HK1: variants seen among roughly 807,000 people sequenced by gnomAD.
The protein encoded by HK1 is hexokinase 1, also known as hexokinase-1.
Under a neutral mutation model 91.6 loss-of-function variants are expected in HK1, and 28 were observed. The observed-to-expected ratio is 0.31, with a 90% CI of 0.23 to 0.42. HK1 has a LOEUF of 0.42. Ranked by LOEUF, HK1 falls within the 10% of genes least tolerant of loss-of-function variation. The pLI, the probability that HK1 is intolerant of heterozygous loss-of-function variation, is 1.00. For missense variants in HK1, 770 were observed against 1,219.8 expected (o/e 0.63, Z 5.49); for synonymous variants, 430 against 468.1 (o/e 0.92, Z 1.05).
chr10:69,293,621 T>C (rs1305851080), intron 3 of HK1, among the ~76,000 whole-genome samples: 1 of 152,160 alleles, frequency 6.6e-6, no homozygotes, highest in Admixed American at 6.6e-5. Flanking sequence ...CTGGAACGGC[T>C]CTTCTCTGTC....
chr10:69,289,523 G>T (rs968481230), intron 3 of HK1, among the ~76,000 whole-genome samples: 1 of 142,652 alleles, frequency 7.0e-6, no homozygotes, highest in Non-Finnish European at 1.5e-5. Context: ...CCAGGCTGGA[G>T]TGCAATGGCA....
chr10:69,283,613 TC>T (rs1844873340), intron 2 of HK1, among the ~76,000 whole-genome samples: 1 of 150,434 alleles, frequency 6.6e-6, no homozygotes, highest in Non-Finnish European at 1.5e-5. Context: ...AAACCCCATC[TC>T]TACTAAAAAT....
At chr10:69,331,445 A>G (rs1246122198) in intron 1 of HK1, among the ~76,000 whole-genome samples, 2 of 152,258 alleles carry the variant, frequency 1.3e-5, no homozygotes, top group Non-Finnish European at 2.9e-5. Flanking sequence ...CCAGAATAGT[A>G]GGCGCCAGCC....
intron 2 of HK1, among the ~76,000 whole-genome samples, chr10:69,352,193 A>G (rs901373430): frequency 3.9e-5 from 6 of 152,002 alleles, no homozygotes; most frequent in Admixed American, 6.6e-5. Context: ...GGGTTTCTCC[A>G]TGTTGGCCAG....
intron 16 of HK1, among the ~76,000 whole-genome samples, chr10:69,395,829 A>C (rs1840109385): frequency 6.6e-6 from 1 of 152,124 alleles, no homozygotes; most frequent in South Asian, 2.1e-4. Context: ...CCTTCTTTCT[A>C]CTTTTCTCCT....
intron 7 of HK1, among the ~76,000 whole-genome samples, chr10:69,370,608 C>T (rs1043024318): frequency 6.6e-6 from 1 of 152,152 alleles, no homozygotes; most frequent in Non-Finnish European, 1.5e-5. Flanking sequence ...TCCAAAACAG[C>T]ACCTTCCCTC....
At chr10:69,303,073 G>T (rs79184597) in intron 5 of HK1, among the ~76,000 whole-genome samples, 4 of 151,996 alleles carry the variant, frequency 2.6e-5, no homozygotes. Flanking sequence ...TTTGTTCAAC[G>T]TGTGTATCAG....
intron 4 of HK1, among the ~76,000 whole-genome samples, chr10:69,365,364 G>A (rs1564544274): frequency 6.6e-6 from 1 of 152,124 alleles, no homozygotes; most frequent in African/African-American, 2.4e-5. Context: ...TGCCCTTGGC[G>A]ACCTCCGAGG....
At chr10:69,332,319 C>T (rs1201521619) in intron 1 of HK1, among the ~76,000 whole-genome samples, 1 of 149,398 alleles carries the variant, frequency 6.7e-6, no homozygotes, top group Admixed American at 6.7e-5. Context: ...CCAGCTTGAG[C>T]AGTATTGTGA....
At chr10:69,370,329 G>GA (rs540685597) in intron 7 of HK1, among the ~76,000 whole-genome samples, 35 of 144,468 alleles carry the variant, frequency 2.4e-4, no homozygotes, top group Middle Eastern at 7.1e-3. Flanking sequence ...AGTAGCCCCT[G>GA]AAAAAAAAAA....
intron 16 of HK1, 83 bp from the exon 17 acceptor site, chr10:69,398,512 C>T (rs1227938): frequency 0.35 from 326,377 of 937,986 alleles, 60,081 homozygotes; most frequent in South Asian, 0.48. Context: ...TGATTGGGGG[C>T]GGGGGGCGTC....
chr10:69,360,302 G>A (rs1395936947), intron 3 of HK1, among the ~76,000 whole-genome samples: 1 of 152,256 alleles, frequency 6.6e-6, no homozygotes, highest in Non-Finnish European at 1.5e-5. Flanking sequence ...CAGAGTCTGG[G>A]TTTGAGGAGG....
At chr10:69,300,868 A>C (rs1392190486) in intron 5 of HK1, 12 of 1,370,944 alleles carry the variant, frequency 8.8e-6, no homozygotes, top group Admixed American at 7.0e-5. Flanking sequence ...TTTTGTACGT[A>C]GAAAATCCTG....
At chr10:69,353,315 A>G (rs1218900976) in intron 2 of HK1, among the ~76,000 whole-genome samples, 9 of 152,224 alleles carry the variant, frequency 5.9e-5, no homozygotes, top group Non-Finnish European at 1.5e-5. Flanking sequence ...CAGGCCAGGT[A>G]TGATGGCTCA....
rs906612421 is a variant in HK1 at position 69,292,305 on chromosome 10, T to A, written c.-114-3328T>A. On this transcript the variant is annotated intron_variant, in intron 3 of 21. Transcript: ENST00000360289. ...CCAGGCTGTTCTTAAATCCCTGGCG[T>A]CAAGTGATCCTCCTGCCTCAGCCTC... The A allele has an allele frequency of 3.2e-5, 14 of 433,254 alleles. No individual in the cohort carries two copies. Among genetic ancestry groups the A allele is most frequent in the Middle Eastern group, 6.8e-4 (2 of 2,950 alleles). 26.8% of individuals were successfully genotyped at this position (433,254 alleles called of 1,614,324 possible). A position where few individuals can be genotyped will look rare whatever the true frequency, so the allele number is the denominator to read the frequency against.
intron 1 of HK1, among the ~76,000 whole-genome samples, chr10:69,274,797 A>G (rs1431051904): frequency 6.6e-6 from 1 of 152,090 alleles, no homozygotes. Context: ...CCAGCTATGC[A>G]TTTGAAGCTT....
chr10:69,288,445 A>AT (rs1845131489), intron 2 of HK1, among the ~76,000 whole-genome samples: 1 of 152,186 alleles, frequency 6.6e-6, no homozygotes, highest in Non-Finnish European at 1.5e-5. Context: ...GTGAGCTATG[A>AT]TGGCGCCACT....
At chr10:69,316,011 T>A (rs960743080), upstream of HK1, 22 of 1,613,544 alleles carry the variant, frequency 1.4e-5, no homozygotes, top group African/African-American at 2.7e-5. Flanking sequence ...CCTGGGAGAT[T>A]GGGGTGAGTA....
intron 1 of HK1, among the ~76,000 whole-genome samples, chr10:69,327,723 C>A (rs757293749): frequency 5.3e-5 from 8 of 152,174 alleles, no homozygotes; most frequent in Non-Finnish European, 8.8e-5. Flanking sequence ...CCACACCAAC[C>A]CTTGTTATGG....
Sources: allele counts gnomAD v4.1 joint callset (sites outside exome capture counted in the v4.1 genomes callset), GRCh38; gene constraint gnomAD v4.1.1; transcripts MANE v1.5; gene names NCBI Gene and HGNC (gene_info 2026-07-23, HGNC 2026-07-21).